Variants in TACC1 observed in about 807,000 individuals in gnomAD.
TACC1 encodes the protein transforming acidic coiled-coil-containing protein 1.
TACC1 carries 48 observed loss-of-function variants against 84.4 expected under a neutral mutation model. The ratio of observed to expected loss-of-function variants is 0.57; its 90% CI spans 0.45 to 0.72. The LOEUF (loss-of-function observed/expected upper bound fraction) is 0.72, where lower values mean the gene tolerates loss of function less well. Ranked by LOEUF, TACC1 falls within the 30% of genes least tolerant of loss-of-function variation. The pLI, the probability that TACC1 is intolerant of heterozygous loss-of-function variation, is 0.00. For synonymous variants in TACC1, 372 were observed against 376.3 expected, an observed-to-expected ratio of 0.99 and a Z score of 0.13; for missense variants, 920 against 973.0, an observed-to-expected ratio of 0.95 and a Z score of 0.72.
upstream of TACC1, among the ~76,000 whole-genome samples, chr8:38,784,829 A>G (rs1435128213): frequency 6.6e-6 from 1 of 152,216 alleles, no homozygotes; most frequent in Non-Finnish European, 1.5e-5. Flanking sequence ...AAGGGGGGTA[A>G]AGTCCCTTTA....
At chr8:38,729,022 C>CT (rs1327581546) in intron 1 of TACC1, among the ~76,000 whole-genome samples, 7 of 151,798 alleles carry the variant, frequency 4.6e-5, no homozygotes, top group South Asian at 4.2e-4. Flanking sequence ...CTCTTCTCTT[C>CT]TTTTTTCTTT....
intron 2 of TACC1, among the ~76,000 whole-genome samples, chr8:38,743,658 C>A (rs1004678316): frequency 6.6e-6 from 1 of 152,128 alleles, no homozygotes; most frequent in South Asian, 2.1e-4. Flanking sequence ...AGGATTTGAT[C>A]TGGCTGAGTG....
intron 3 of TACC1, among the ~76,000 whole-genome samples, chr8:38,823,827 A>T (rs557215874): frequency 6.6e-6 from 1 of 152,338 alleles, no homozygotes; most frequent in South Asian, 2.1e-4. Flanking sequence ...CTCACTGGTG[A>T]TAACATTCAT....
At position 38,787,455 on chromosome 8, in the gene TACC1, C is replaced by T. The variant is rs1554509966; in HGVS notation, c.-128C>T. The T allele has an allele frequency of 7.2e-7, 1 of 1,386,206 alleles. No individual in the cohort carries two copies. The highest frequency in any genetic ancestry group is 9.3e-7 in the Non-Finnish European group (1 of 1,076,976). 85.9% of individuals were successfully genotyped at this position (1,386,206 alleles called of 1,614,324 possible). A position where few individuals can be genotyped will look rare whatever the true frequency, so the allele number is the denominator to read the frequency against. On this transcript the variant is annotated 5_prime_UTR_variant, in exon 1 of 13. Coordinates refer to ENST00000317827, the MANE Select transcript of TACC1 (RefSeq NM_006283.3). ...AGGGCCCCCGACGGCACTCGTTTAA[C>T]CACATCCGCGCCTCTGCTGGAAACG...
intron 3 of TACC1, among the ~76,000 whole-genome samples, chr8:38,771,666 G>A (rs1412174413): frequency 1.3e-5 from 2 of 152,160 alleles, no homozygotes; most frequent in African/African-American, 2.4e-5. Context: ...CAGATGGTCA[G>A]GCCCACCCCA....
rs113650408 is a variant in TACC1, at chr8:38,795,580, T to A, written c.277+6761T>A. Among the ~76,000 whole-genome samples the A allele has an allele frequency of 2.2e-3, 331 of 152,316 alleles. 1 individual carries two copies. Among genetic ancestry groups the A allele is most frequent in the African/African-American group, 7.4e-3 (307 of 41,568 alleles). ...AATGAAAGAGCAGTTGCAGTGTCTT[T>A]TTCAGGTTACCAGTTATACTGCCCA... On this transcript the variant is annotated intron_variant, in intron 2 of 12. Transcript: ENST00000317827.
chr8:38,758,695 A>AAC (rs1810626020), intron 3 of TACC1, among the ~76,000 whole-genome samples: 2 of 151,252 alleles, frequency 1.3e-5, no homozygotes, highest in African/African-American at 4.9e-5. Flanking sequence ...AAAAAAAAAA[A>AAC]AAAAAAAAAG....
chr8:38,794,381 C>G (rs1819485105), intron 2 of TACC1, among the ~76,000 whole-genome samples: 1 of 152,180 alleles, frequency 6.6e-6, no homozygotes, highest in Admixed American at 6.5e-5. Flanking sequence ...AAGTGATCCT[C>G]CCACCTTGGC....
chr8:38,831,504 T>C (rs542031184), intron 6 of TACC1, among the ~76,000 whole-genome samples: 92 of 152,236 alleles, frequency 6.0e-4, no homozygotes, highest in African/African-American at 2.0e-3. Flanking sequence ...GTTGTTATTA[T>C]TATTATTATT....
intron 3 of TACC1, among the ~76,000 whole-genome samples, chr8:38,766,605 G>A (rs547778142): frequency 3.3e-5 from 5 of 152,296 alleles, no homozygotes; most frequent in South Asian, 2.1e-4. Context: ...TAATATGATC[G>A]AACTTTTAGG....
chr8:38,801,605 T>G (rs188553666), intron 2 of TACC1, among the ~76,000 whole-genome samples: 1 of 152,358 alleles, frequency 6.6e-6, no homozygotes, highest in Non-Finnish European at 1.5e-5. Flanking sequence ...ACCACCACAC[T>G]GTCTTGATTA....
At position 38,787,663 on chromosome 8, in the gene TACC1, C is replaced by CGGCGAGGACGAGGCT; in HGVS notation, c.86_100dup (p.Glu29_Gly33dup). 1 of 1,549,052 alleles carries CGGCGAGGACGAGGCT rather than the reference C, an allele frequency of 6.5e-7. No homozygotes were observed. Among genetic ancestry groups the CGGCGAGGACGAGGCT allele is most frequent in the South Asian group, 1.2e-5 (1 of 84,646 alleles). ...GGTCTGCGGTACGCGGCGGGGCCGC[C>CGGCGAGGACGAGGCT]GGCGAGGACGAGGCTGGCGGGCCCG... On this transcript the variant is annotated inframe_insertion, in exon 1 of 13. Transcript: ENST00000317827.
At position 38,849,355 on chromosome 8, in the gene TACC1, C is replaced by T. The variant is rs867948858; in HGVS notation, c.*1332C>T. The T allele has an allele frequency of 2.0e-5, 3 of 152,222 alleles. No individual in the cohort carries two copies. In the South Asian group the frequency reaches 6.2e-4, roughly 31 times the overall value. The allele number at this position is 152,222 out of a possible 1,614,324, so 9.4% of individuals were successfully genotyped here. On this transcript the variant is annotated 3_prime_UTR_variant, in exon 13 of 13. Coordinates refer to ENST00000317827, the MANE Select transcript of TACC1 (RefSeq NM_006283.3). ...CAGAGTGGTGGGCCATTAACCCCAA[C>T]ATGGAATTTTTCCATATAAATCTCA...
rs112701042 is a variant in TACC1, at chr8:38,774,218, C to T, written c.27-14486C>T. 3.1e-4 allele frequency among the ~76,000 whole-genome samples: 47 copies of T among 152,310 alleles called. 4 individuals carry two copies. Among genetic ancestry groups the T allele is most frequent in the African/African-American group, 9.9e-4 (41 of 41,570 alleles). ...GAGCAACCTCCCTTGACATCTCCAC[C>T]GATGCCGTCCACCAGCCATTCTCAG... On this transcript the variant is annotated intron_variant, in intron 3 of 14. Coordinates refer to the TACC1 transcript ENST00000518415.
At chr8:38,769,738 A>G (rs1813165474) in intron 3 of TACC1, among the ~76,000 whole-genome samples, 1 of 73,910 alleles carries the variant, frequency 1.4e-5, no homozygotes, top group Non-Finnish European at 2.7e-5. Context: ...GGTATGGGTG[A>G]AGGTGTGTGG....
chr8:38,820,448 G>C lies in TACC1; in HGVS notation c.1204G>C (p.Val402Leu). 6.2e-7 allele frequency: 1 copy of C among 1,614,142 alleles called. No homozygotes were observed. Among genetic ancestry groups the C allele is most frequent in the Non-Finnish European group, 8.5e-7 (1 of 1,180,010 alleles). The change falls in exon 3 of 13, where the codon GTT (valine) becomes CTT (leucine). Residue 402 changes from valine to leucine, a missense_variant. Around this residue, in one of 2 missense-constraint regions of TACC1, gnomAD observed 762 missense variants for 747.3 expected, o/e 1.02. Transcript: ENST00000317827. ...CTTCAACCCCTTTGGGAGCCACTCTGTTCTGCAGAACTCCCCACCCCTCTC... is the reference window on the plus strand; with the variant it reads ...CTTCAACCCCTTTGGGAGCCACTCTCTTCTGCAGAACTCCCCACCCCTCTC... ...PSFNPFGSHS[V>L]LQNSPPLSSE...
chr8:38,805,395 TG>T (rs1281607626), intron 2 of TACC1: 2 of 152,256 alleles, frequency 1.3e-5, no homozygotes, highest in Non-Finnish European at 2.9e-5. Flanking sequence ...AAAGGGAAGC[TG>T]GTGACACAGG....
At chr8:38,758,753 C>T (rs1810639911) in intron 3 of TACC1, among the ~76,000 whole-genome samples, 1 of 151,366 alleles carries the variant, frequency 6.6e-6, no homozygotes, top group South Asian at 2.1e-4. Flanking sequence ...TCTAAATGCC[C>T]CACATGTTAT....
chr8:38,806,275 A>G (rs1291139697), intron 2 of TACC1, among the ~76,000 whole-genome samples: 1 of 152,072 alleles, frequency 6.6e-6, no homozygotes, highest in Non-Finnish European at 1.5e-5. Flanking sequence ...AGTACAGAGC[A>G]ATGACCTTGA....
Sources: allele counts gnomAD v4.1 joint callset (sites outside exome capture counted in the v4.1 genomes callset), GRCh38; gene constraint gnomAD v4.1.1; regional missense constraint gnomAD v4.1.1; transcripts MANE v1.5; gene names NCBI Gene and HGNC (gene_info 2026-07-23, HGNC 2026-07-21).